The following ARK2N variants were observed in gnomAD, a reference collection of about 807,000 sequenced individuals.
ARK2N encodes the protein protein ARK2N.
chr18:46,250,951 A>G, the ARK2N span, among the ~76,000 whole-genome samples: 7 of 152,216 alleles, frequency 4.6e-5, no homozygotes, highest in South Asian at 2.1e-4. Context: ...AATGTTCCCT[A>G]TCAGAGCAGT....
At chr18:46,190,949 G>T in the ARK2N span, among the ~76,000 whole-genome samples, 1 of 152,202 alleles carries the variant, frequency 6.6e-6, no homozygotes, top group African/African-American at 2.4e-5. Flanking sequence ...TAAAGCAAAA[G>T]TGAGATTTAA....
the ARK2N span, among the ~76,000 whole-genome samples, chr18:46,242,383 T>C: frequency 6.6e-6 from 1 of 152,326 alleles, no homozygotes; most frequent in South Asian, 2.1e-4. Context: ...GACCGAATAA[T>C]GCAAAGTTTG....
chr18:46,200,596 G>A, the ARK2N span, among the ~76,000 whole-genome samples: 2 of 152,088 alleles, frequency 1.3e-5, no homozygotes, highest in African/African-American at 2.4e-5. Flanking sequence ...GTGAGCCACC[G>A]CACCTGGCCA....
chr18:46,233,544 G>A, the ARK2N span, among the ~76,000 whole-genome samples: 2 of 151,966 alleles, frequency 1.3e-5, no homozygotes, highest in Admixed American at 1.3e-4. Flanking sequence ...TGAATCAGAG[G>A]CTTCATAACT....
At chr18:46,260,371 A>G in the ARK2N span, among the ~76,000 whole-genome samples, 1 of 152,214 alleles carries the variant, frequency 6.6e-6, no homozygotes, top group African/African-American at 2.4e-5. Context: ...TTGACCGAAG[A>G]TAGTATCATC....
At chr18:46,207,604 G>A in the ARK2N span, among the ~76,000 whole-genome samples, 6 of 151,918 alleles carry the variant, frequency 3.9e-5, no homozygotes, top group African/African-American at 1.5e-4. Flanking sequence ...TGGCTAGGCT[G>A]GTCTTGAACT....
the ARK2N span, among the ~76,000 whole-genome samples, chr18:46,258,922 A>G: frequency 3.9e-5 from 6 of 152,162 alleles, no homozygotes; most frequent in Admixed American, 3.3e-4. Flanking sequence ...CCTATCTGGT[A>G]TAAATTTTTG....
At chr18:46,207,880 A>T in the ARK2N span, among the ~76,000 whole-genome samples, 188 of 152,228 alleles carry the variant, frequency 1.2e-3, 1 homozygote, top group African/African-American at 4.0e-3. Context: ...CTCTGTTGGG[A>T]TGTCCATTCC....
the ARK2N span, among the ~76,000 whole-genome samples, chr18:46,208,243 A>G: frequency 1.3e-5 from 2 of 152,088 alleles, no homozygotes. Flanking sequence ...TACCTCATTC[A>G]TCCTCACCTT....
At chr18:46,211,751 G>A in the ARK2N span, among the ~76,000 whole-genome samples, 1 of 152,082 alleles carries the variant, frequency 6.6e-6, no homozygotes, top group Non-Finnish European at 1.5e-5. Context: ...ACAGCATGGG[G>A]GAAAGTGCTG....
the ARK2N span, among the ~76,000 whole-genome samples, chr18:46,213,311 C>T: frequency 5.1e-3 from 776 of 152,038 alleles, 8 homozygotes; most frequent in African/African-American, 0.017. Context: ...TAAGAAGAAT[C>T]ATTATTCCAG....
chr18:46,210,645 C>T, the ARK2N span, among the ~76,000 whole-genome samples: 74 of 152,228 alleles, frequency 4.9e-4, no homozygotes, highest in Admixed American at 1.6e-3. Context: ...TATTGTGGCT[C>T]ACACCTGTAA....
the ARK2N span, among the ~76,000 whole-genome samples, chr18:46,177,659 C>T: frequency 8.3e-4 from 126 of 151,896 alleles, no homozygotes; most frequent in African/African-American, 2.8e-3. Context: ...AATTCCTGAC[C>T]TCAAGTGATC....
the ARK2N span, among the ~76,000 whole-genome samples, chr18:46,255,864 T>C: frequency 6.6e-6 from 1 of 152,138 alleles, no homozygotes; most frequent in Admixed American, 6.5e-5. Context: ...TTTTTCCTAT[T>C]AAATTCTCTT....
the ARK2N span, among the ~76,000 whole-genome samples, chr18:46,202,608 C>T: frequency 7.1e-4 from 108 of 151,896 alleles, no homozygotes; most frequent in Non-Finnish European, 1.3e-3. Flanking sequence ...ACCAACGTAG[C>T]GAAACCCCGT....
the ARK2N span, chr18:46,253,658 A>G: frequency 2.5e-6 from 4 of 1,595,780 alleles, no homozygotes; most frequent in Admixed American, 6.9e-5. Flanking sequence ...GAGGAATAAA[A>G]TTATAGTGCT....
chr18:46,256,828 T>G, the ARK2N span, among the ~76,000 whole-genome samples: 1 of 152,142 alleles, frequency 6.6e-6, no homozygotes, highest in African/African-American at 2.4e-5. Context: ...CTTTCTGATG[T>G]TTTTTTCCCT....
At chr18:46,204,770 T>C in the ARK2N span, among the ~76,000 whole-genome samples, 4 of 152,160 alleles carry the variant, frequency 2.6e-5, no homozygotes, top group African/African-American at 9.7e-5. Flanking sequence ...TTTGTCAGTT[T>C]ATGGTGTCAA....
chr18:46,199,867 A>G, the ARK2N span, among the ~76,000 whole-genome samples: 1 of 152,184 alleles, frequency 6.6e-6, no homozygotes, highest in Non-Finnish European at 1.5e-5. Flanking sequence ...CATCTATACC[A>G]TCAAGGTTAG....
Sources: gnomAD v4.1 joint callset for allele counts (sites outside exome capture counted in the v4.1 genomes callset) on GRCh38, gnomAD v4.1.1 for gene constraint, MANE v1.5 for transcripts, NCBI Gene and HGNC (gene_info 2026-07-23, HGNC 2026-07-21) for gene names.